Variants in KCNE2 observed in about 807,000 individuals in gnomAD.
KCNE2 encodes potassium voltage-gated channel subfamily E member 2.
Under a neutral mutation model 4.5 loss-of-function variants are expected in KCNE2, and 4 were observed. The ratio of observed to expected loss-of-function variants is 0.89; its 90% CI spans 0.44 to 2.03. KCNE2 has a LOEUF of 2.03. Ranked by LOEUF, KCNE2 falls within the 30% of genes most tolerant of loss-of-function variation. The pLI is 0.03. For synonymous variants in KCNE2, 57 were observed against 55.9 expected, an observed-to-expected ratio of 1.02 and a Z score of -0.09; for missense variants, 137 against 151.4, an observed-to-expected ratio of 0.90 and a Z score of 0.50.
In KCNE2 at chr21:34,370,808, C is replaced by T; in HGVS notation, c.330C>T (p.Ile110=). Residue 110 remains isoleucine (I), a synonymous_variant, in exon 2 of 2, where the codon ATC becomes ATT. Transcript: ENST00000290310. ...ATCTAGAAGAATCGAAGGCCACCAT[C>T]CATGAGAACATTGGTGCGGCTGGGT... ...ILNLEESKAT[I]HENIGAAGFK... The T allele has an allele frequency of 6.2e-7, 1 of 1,614,202 alleles. No individual in the cohort carries two copies. The highest frequency in any genetic ancestry group is 8.5e-7 in the Non-Finnish European group (1 of 1,180,046).
chr21:34,367,105 G>A (rs1287930744), intron 1 of KCNE2, among the ~76,000 whole-genome samples: 2 of 148,286 alleles, frequency 1.3e-5, no homozygotes, highest in South Asian at 2.1e-4. Context: ...GGTAACAACC[G>A]GCTGGGCTTC....
rs74315448 is a variant in KCNE2, at chr21:34,370,648, T to C, written c.170T>C (p.Ile57Thr). ...GTCATCCTGTACCTCATGGTGATGA[T>C]TGGAATGTTCTCTTTCATCATCGTG... Reference protein sequence around the residue: ...YYVILYLMVMIGMFSFIIVAI... With the variant: ...YYVILYLMVMTGMFSFIIVAI... Residue 57 changes from isoleucine to threonine, a missense_variant, in exon 2 of 2, where the codon ATT becomes ACT. Coordinates refer to ENST00000290310, the MANE Select transcript of KCNE2 (RefSeq NM_172201.2). The C allele has an allele frequency of 6.5e-4, 1,057 of 1,614,210 alleles. 5 individuals are homozygous for C. In the Middle Eastern group the frequency reaches 0.015, roughly 23 times the overall value.
intron 1 of KCNE2, among the ~76,000 whole-genome samples, chr21:34,365,938 T>C (rs1383341066): frequency 1.3e-5 from 2 of 152,238 alleles, no homozygotes; most frequent in African/African-American, 4.8e-5. Context: ...CAAATCCCTT[T>C]TGGATCCTGT....
intron 1 of KCNE2, among the ~76,000 whole-genome samples, chr21:34,368,812 T>C: frequency 6.6e-6 from 1 of 152,184 alleles, no homozygotes; most frequent in Non-Finnish European, 1.5e-5. Context: ...TTACCAATTT[T>C]TTTTAAACAA....
At chr21:34,369,877 A>G (rs1979503883) in intron 1 of KCNE2, among the ~76,000 whole-genome samples, 2 of 152,238 alleles carry the variant, frequency 1.3e-5, no homozygotes, top group Admixed American at 1.3e-4. Flanking sequence ...GAGTCTGTCA[A>G]TGCCCCCTGC....
chr21:34,370,856 G>C lies in KCNE2; in HGVS notation c.*6G>C. 1 of 1,613,594 alleles carries C rather than the reference G, an allele frequency of 6.2e-7. No homozygotes were observed. Among genetic ancestry groups the C allele is most frequent in the Admixed American group, 1.7e-5 (1 of 60,016 alleles). ...GGTTCAAAATGTCCCCCTGATAAGGGAGAAAGGCACCAAGCTAACATCTGA... is the reference window on the plus strand; with the variant it reads ...GGTTCAAAATGTCCCCCTGATAAGGCAGAAAGGCACCAAGCTAACATCTGA... On this transcript the variant is annotated 3_prime_UTR_variant, in exon 2 of 2. Transcript: ENST00000290310.
At position 34,371,239 on chromosome 21, in the gene KCNE2, A is replaced by C; in HGVS notation, c.*389A>C. ...AACATCATTTGTGTGTGACAAATTC[A>C]ATTTATAAATAACCCAGATGTATTA... On this transcript the variant is annotated 3_prime_UTR_variant, in exon 2 of 2. Transcript: ENST00000290310. The C allele has an allele frequency of 3.5e-6, 1 of 285,204 alleles. No individual in the cohort carries two copies. Among genetic ancestry groups the C allele is most frequent in the Non-Finnish European group, 6.9e-6 (1 of 145,036 alleles). 17.7% of individuals were successfully genotyped at this position (285,204 alleles called of 1,614,324 possible). A position where few individuals can be genotyped will look rare whatever the true frequency, so the allele number is the denominator to read the frequency against.
intron 1 of KCNE2, among the ~76,000 whole-genome samples, chr21:34,368,223 ACAC>A (rs1568812217): frequency 3.8e-5 from 3 of 79,644 alleles, no homozygotes; most frequent in East Asian, 3.9e-4. Context: ...ACACACACAC[ACAC>A]ACAATATATA....
At chr21:34,366,847 C>G (rs9985125) in intron 1 of KCNE2, among the ~76,000 whole-genome samples, 18,459 of 150,822 alleles carry the variant, frequency 0.12, 1,509 homozygotes, top group African/African-American at 0.21. Context: ...GGCTTCGTGG[C>G]GGGTGCCTGT....
In KCNE2 at chr21:34,370,861, A is replaced by C. The variant is rs558860396; in HGVS notation, c.*11A>C. ...AAAATGTCCCCCTGATAAGGGAGAA[A>C]GGCACCAAGCTAACATCTGACGTCC... On this transcript the variant is annotated 3_prime_UTR_variant, in exon 2 of 2. Coordinates refer to ENST00000290310, the MANE Select transcript of KCNE2 (RefSeq NM_172201.2). 49 of 1,613,358 alleles carry C rather than the reference A, an allele frequency of 3.0e-5. 1 individual carries two copies. The South Asian group carries it at 5.2e-4, about 17-fold the overall frequency.
chr21:34,367,346 A>G (rs752078272), intron 1 of KCNE2, among the ~76,000 whole-genome samples: 1 of 152,204 alleles, frequency 6.6e-6, no homozygotes, highest in Middle Eastern at 3.2e-3. Flanking sequence ...TAAAAGAGCC[A>G]GTGGCAAAGT....
Position 34,368,250 on chromosome 21 carries a change from ATATATATATATGTATGT to A in KCNE2, c.-12-2207_-12-2191del, listed in dbSNP as rs1387108387. Among the ~76,000 whole-genome samples, 727 of 103,900 alleles carry A rather than the reference ATATATATATATGTATGT, an allele frequency of 7.0e-3. 9 individuals carry two copies. Among genetic ancestry groups the A allele is most frequent in the African/African-American group, 0.031 (680 of 21,966 alleles). The allele number at this position is 103,900 out of a possible 152,430, so 68.2% of individuals were successfully genotyped here. Reference sequence around the variant, plus strand: ...ACACAATATATATATATATATATATATATATATATATGTATGTTATATATATGTATGTTATATATATG... The same window carrying A: ...ACACAATATATATATATATATATATATATATATATGTATGTTATATATATG... On this transcript the variant is annotated intron_variant, in intron 1 of 1. Transcript: ENST00000290310.
At chr21:34,367,781 A>G (rs1348615540) in intron 1 of KCNE2, among the ~76,000 whole-genome samples, 3 of 152,156 alleles carry the variant, frequency 2.0e-5, no homozygotes, top group African/African-American at 7.2e-5. Flanking sequence ...AGAGACGGGC[A>G]TGTCTTTAGA....
chr21:34,368,482 C>A (rs1450534927), intron 1 of KCNE2, among the ~76,000 whole-genome samples: 1 of 151,562 alleles, frequency 6.6e-6, no homozygotes, highest in East Asian at 1.9e-4. Flanking sequence ...TGCCTGTAGT[C>A]CCAGCTACTT....
intron 1 of KCNE2, among the ~76,000 whole-genome samples, chr21:34,369,552 GA>G (rs113835651): frequency 4.7e-5 from 7 of 148,094 alleles, no homozygotes; most frequent in African/African-American, 9.9e-5. Flanking sequence ...TCCGTCTTAA[GA>G]AAAAAAAAAG....
Position 34,368,258 on chromosome 21 carries a change from ATATGTATGTTATATATATG to A in KCNE2, c.-12-2203_-12-2185del, listed in dbSNP as rs1420507150. On this transcript the variant is annotated intron_variant, in intron 1 of 1. Coordinates refer to ENST00000290310, the MANE Select transcript of KCNE2 (RefSeq NM_172201.2). ...TATATATATATATATATATATATAT[ATATGTATGTTATATATATG>A]TATGTTATATATATGTATGTATGTA... Among the ~76,000 whole-genome samples, 25 of 96,212 alleles carry A rather than the reference ATATGTATGTTATATATATG, an allele frequency of 2.6e-4. 1 individual carries two copies. Among genetic ancestry groups the A allele is most frequent in the East Asian group, 1.1e-3 (4 of 3,484 alleles). 63.1% of individuals were successfully genotyped at this position (96,212 alleles called of 152,430 possible). A position where few individuals can be genotyped will look rare whatever the true frequency, so the allele number is the denominator to read the frequency against.
chr21:34,364,739 C>A (rs1299381545), intron 1 of KCNE2, among the ~76,000 whole-genome samples: 2 of 151,140 alleles, frequency 1.3e-5, no homozygotes, highest in South Asian at 4.2e-4. Flanking sequence ...CGCCACTGCA[C>A]TCCAGCCTGG....
In KCNE2 at chr21:34,364,085, G is replaced by A. The variant is rs41260744; in HGVS notation, c.-79G>A. ...GCAACCCAGAAGAGAGCTCGCTAAC[G>A]CCAGCAAGAAGGTTCAGAACAGCCT... On this transcript the variant is annotated 5_prime_UTR_variant, in exon 1 of 2. Transcript: ENST00000290310. 11,932 of 152,298 alleles carry A rather than the reference G, an allele frequency of 0.078. 568 individuals carry two copies. Among genetic ancestry groups the A allele is most frequent in the East Asian group, 0.18 (926 of 5,180 alleles). 9.4% of individuals were successfully genotyped at this position (152,298 alleles called of 1,614,324 possible).
intron 1 of KCNE2, among the ~76,000 whole-genome samples, chr21:34,369,779 C>T (rs1473281683): frequency 6.6e-6 from 1 of 152,172 alleles, no homozygotes; most frequent in Non-Finnish European, 1.5e-5. Flanking sequence ...ACCTAAAATG[C>T]TTCTTTCAAA....
Sources: gnomAD v4.1 joint callset for allele counts (sites outside exome capture counted in the v4.1 genomes callset) on GRCh38, gnomAD v4.1.1 for gene constraint, MANE v1.5 for transcripts, NCBI Gene and HGNC (gene_info 2026-07-23, HGNC 2026-07-21) for gene names.